Variants in SACS observed in about 807,000 individuals in gnomAD.
The protein encoded by SACS is sacsin.
Under a neutral mutation model 348.0 loss-of-function variants are expected in SACS, and 197 were observed. The ratio of observed to expected loss-of-function variants is 0.57; its 90% CI spans 0.50 to 0.64. SACS has a LOEUF of 0.64. Among genes scored for constraint, SACS ranks in the 30% least tolerant of loss-of-function variants. The probability of loss-of-function intolerance (pLI) is 0.00; values close to 1 mark genes in which losing one functional copy is unlikely to be tolerated. For missense variants in SACS, 4,999 were observed against 5,360.8 expected (o/e 0.93, Z 2.11); for synonymous variants, 1,985 against 1,910.6 (o/e 1.04, Z -1.02).
At position 23,335,048 on chromosome 13, in the gene SACS, A is replaced by G. The variant is rs767706609; in HGVS notation, c.8828T>C (p.Val2943Ala). 1.7e-5 allele frequency: 27 copies of G among 1,613,276 alleles called. No homozygotes were observed. The South Asian group carries it at 2.7e-4, about 16-fold the overall frequency. ...AACATGAATAGGGGTGTTCTGTAACACTGATAATGTTGGATCAGAACCAGG... is the reference window on the plus strand; with the variant it reads ...AACATGAATAGGGGTGTTCTGTAACGCTGATAATGTTGGATCAGAACCAGG... Reference protein sequence around the residue: ...YFPGSDPTLSVLQNTPIHVVK... With the variant: ...YFPGSDPTLSALQNTPIHVVK... Residue 2943 changes from valine to alanine, a missense_variant, in exon 10 of 10, where the codon GTG (valine) becomes GCG (alanine). Coordinates refer to ENST00000382292, the MANE Select transcript of SACS (RefSeq NM_014363.6). This position sits in a 1 kb window ranked among gnomAD's most constrained non-coding sequence, Gnocchi z 4.7.
chr13:23,351,398 T>A (rs961397550), intron 9 of SACS, among the ~76,000 whole-genome samples: 4 of 152,128 alleles, frequency 2.6e-5, no homozygotes, highest in Non-Finnish European at 5.9e-5. Flanking sequence ...AAGGACCCGG[T>A]GGGAGATAAT....
intron 2 of SACS, among the ~76,000 whole-genome samples, chr13:23,386,015 ATGTGC>A (rs759443042): frequency 6.6e-6 from 1 of 152,194 alleles, no homozygotes; most frequent in Admixed American, 6.5e-5. Context: ...CTGTAAATGG[ATGTGC>A]TGTCGGCCAG....
chr13:23,429,772 C>G (rs1400749998), intron 1 of SACS, among the ~76,000 whole-genome samples: 2 of 152,070 alleles, frequency 1.3e-5, no homozygotes, highest in Non-Finnish European at 2.9e-5. Context: ...GTTCCAAAAC[C>G]CAGTATATCT....
intron 2 of SACS, among the ~76,000 whole-genome samples, chr13:23,395,949 C>T (rs1325826716): frequency 6.6e-6 from 1 of 152,060 alleles, no homozygotes; most frequent in East Asian, 1.9e-4. Flanking sequence ...ATTTTTCTAC[C>T]TCTGCATGGG....
Position 23,341,667 on chromosome 13 carries a change from G to A in SACS, c.2209C>T (p.Leu737Phe), listed in dbSNP as rs1869241300. ...TRGRPCTQLQ[L>F]LNPERFARLI... ...CGTGCAAATCGTTCTGGATTTAGAA[G>A]CTGCAGCTGAGTACATGGTCTTCCT... is the stretch of plus-strand genomic sequence containing the variant. Residue 737 changes from leucine (L) to phenylalanine (F), a missense_variant, in exon 10 of 10, where the codon CTT becomes TTT. Coordinates refer to ENST00000382292, the MANE Select transcript of SACS (RefSeq NM_014363.6). 2 of 1,612,646 alleles carry A rather than the reference G, an allele frequency of 1.2e-6. No individual in the cohort carries two copies. Among genetic ancestry groups the A allele is most frequent in the African/African-American group, 2.7e-5 (2 of 74,798 alleles).
Position 23,339,872 on chromosome 13 carries a change from A to G in SACS, c.4004T>C (p.Val1335Ala). 3 of 1,613,846 alleles carry G rather than the reference A, an allele frequency of 1.9e-6. No individual in the cohort carries two copies. The highest frequency in any genetic ancestry group is 2.5e-6 in the Non-Finnish European group (3 of 1,179,946). The change falls in exon 10 of 10, where the codon GTT (valine) becomes GCT (alanine). Residue 1335 changes from valine to alanine, a missense_variant. By Grantham distance (64) the Val-to-Ala change is moderately conservative. Transcript: ENST00000382292. Reference sequence around the variant, plus strand: ...ACTTTTGAGATATATCTTCTGAATAACCATGGAAATATGATCTGATGTCAA... The same window carrying G: ...ACTTTTGAGATATATCTTCTGAATAGCCATGGAAATATGATCTGATGTCAA... Reference protein sequence around the residue: ...EELTSDHISMVIQKIYLKSDQ... With the variant: ...EELTSDHISMAIQKIYLKSDQ...
chr13:23,431,915 G>A (rs1245527747), intron 1 of SACS, among the ~76,000 whole-genome samples: 2 of 152,250 alleles, frequency 1.3e-5, no homozygotes, highest in Admixed American at 6.5e-5. Context: ...ATGGTGGTTA[G>A]GTAGATGGTG....
chr13:23,401,362 C>A (rs1400755393), intron 2 of SACS, among the ~76,000 whole-genome samples: 1 of 152,240 alleles, frequency 6.6e-6, no homozygotes, highest in Non-Finnish European at 1.5e-5. Flanking sequence ...TATCACCTAT[C>A]TGTGACCTGG....
intron 1 of SACS, among the ~76,000 whole-genome samples, chr13:23,412,199 C>A (rs1873515256): frequency 6.6e-6 from 1 of 152,062 alleles, no homozygotes; most frequent in Non-Finnish European, 1.5e-5. Context: ...GTGGAGCTTG[C>A]AGTGAGCCAA....
chr13:23,335,067 A>T lies in SACS; in HGVS notation c.8809T>A (p.Ser2937Thr), dbSNP rs1268080417. 5 of 1,613,380 alleles carry T rather than the reference A, an allele frequency of 3.1e-6. No homozygotes were observed. The African/African-American group carries it at 6.7e-5, about 22-fold the overall frequency. Residue 2937 changes from serine to threonine, a missense_variant, in exon 10 of 10, where the codon TCT becomes ACT. By Grantham distance (58) the Ser-to-Thr change is moderately conservative. This residue lies in a region of SACS where 734 missense variants were observed against 694.0 expected (regional missense o/e 1.06). Coordinates refer to ENST00000382292, the MANE Select transcript of SACS (RefSeq NM_014363.6). The surrounding 1 kb of genome is among the most constrained non-coding windows in gnomAD (Gnocchi z 4.7). ...TGTAACACTGATAATGTTGGATCAGAACCAGGGAAATACCGTTTTTTTAAC... is the reference window on the plus strand; with the variant it reads ...TGTAACACTGATAATGTTGGATCAGTACCAGGGAAATACCGTTTTTTTAAC... ...IQLKKRYFPG[S>T]DPTLSVLQNT... is the part of the protein sequence containing the mutation.
At position 23,333,829 on chromosome 13, in the gene SACS, T is replaced by C. The variant is rs138909482; in HGVS notation, c.10047A>G (p.Ser3349=). The C allele has an allele frequency of 6.3e-5, 102 of 1,613,734 alleles. No homozygotes were observed. Among genetic ancestry groups the C allele is most frequent in the Middle Eastern group, 1.6e-4 (1 of 6,084 alleles). ...GGCTCTCTATATTTGCTGTGTGACA[T>C]GACAACAAAGGAACAAATGCACTGT... ...SKDSAFVPLL[S]CHTANIESPT... is the part of the protein sequence containing the mutation. Residue 3349 remains serine, a synonymous_variant, in exon 10 of 10, where the codon TCA becomes TCG. Transcript: ENST00000382292.
At chr13:23,362,860 A>G (rs977516390) in intron 6 of SACS, among the ~76,000 whole-genome samples, 1 of 152,060 alleles carries the variant, frequency 6.6e-6, no homozygotes, top group African/African-American at 2.4e-5. Flanking sequence ...TGCTGGGATT[A>G]CAGGCAGGAG....
At chr13:23,365,548 T>C (rs1871011189) in intron 5 of SACS, among the ~76,000 whole-genome samples, 1 of 152,206 alleles carries the variant, frequency 6.6e-6, no homozygotes, top group African/African-American at 2.4e-5. Flanking sequence ...CTGGGCCCTA[T>C]TTATAACTGT....
Position 23,331,738 on chromosome 13 carries a change from T to A in SACS, c.12138A>T (p.Lys4046Asn), listed in dbSNP as rs1883492004. The change falls in exon 10 of 10, where the codon AAA becomes AAT. Residue 4046 changes from lysine to asparagine, a missense_variant. Physicochemically the swap from Lys to Asn is moderately conservative, Grantham distance 94 (BLOSUM62 0). This residue lies in a region of SACS where 831 missense variants were observed against 941.8 expected (regional missense o/e 0.88). Transcript: ENST00000382292. ...TTTGAAGCTTTTCAAAGCAGGATAC[T>A]TTCAATCCTTCTCTTAGGGCTTTGC... ...RLCKALREGLKVSCFEKLQTT... is the reference protein window; with the variant it reads ...RLCKALREGLNVSCFEKLQTT... 2 of 1,614,034 alleles carry A rather than the reference T, an allele frequency of 1.2e-6. No individual in the cohort carries two copies. Among genetic ancestry groups the A allele is most frequent in the Non-Finnish European group, 1.7e-6 (2 of 1,179,968 alleles).
intron 6 of SACS, among the ~76,000 whole-genome samples, chr13:23,362,882 A>G (rs899859691): frequency 1.5e-4 from 22 of 149,114 alleles, no homozygotes; most frequent in Non-Finnish European, 2.8e-4. Context: ...CACCATGCCC[A>G]GCCTGCATTT....
rs201638502 is a variant in SACS at position 23,341,723 on chromosome 13, A to T, written c.2186-33T>A. 1.1e-5 allele frequency: 17 copies of T among 1,575,210 alleles called. No homozygotes were observed. In the African/African-American group the frequency reaches 2.3e-4, roughly 21 times the overall value. ...TCATACACAGAAATGTCATAAATAC[A>T]TATAATTCTACTACAACAGCTTTCT... On this transcript the variant is annotated intron_variant, in intron 9 of 9. Coordinates refer to ENST00000382292, the MANE Select transcript of SACS (RefSeq NM_014363.6).
intron 1 of SACS, chr13:23,428,072 G>C (rs775665165): frequency 6.6e-6 from 1 of 152,150 alleles, no homozygotes. Context: ...AGTTTCCCTA[G>C]AAACGCTCTT....
At chr13:23,417,340 C>A (rs1326442513) in intron 1 of SACS, among the ~76,000 whole-genome samples, 1 of 152,064 alleles carries the variant, frequency 6.6e-6, no homozygotes. Context: ...ACACAATAAC[C>A]AAAGACACTA....
intron 1 of SACS, among the ~76,000 whole-genome samples, chr13:23,426,544 A>G (rs1874184960): frequency 1.3e-5 from 2 of 151,662 alleles, no homozygotes; most frequent in Admixed American, 6.6e-5. Flanking sequence ...GGAGGCTGAG[A>G]TGGAAGAATT....
Sources: gnomAD v4.1 joint callset for allele counts (sites outside exome capture counted in the v4.1 genomes callset) on GRCh38, gnomAD v4.1.1 for gene constraint, gnomAD v4.1.1 regional missense constraint, Gnocchi (gnomAD v3.1) non-coding constraint, MANE v1.5 for transcripts, NCBI Gene and HGNC (gene_info 2026-07-23, HGNC 2026-07-21) for gene names.